The following CSMD1 variants were observed in gnomAD, a reference collection of about 807,000 sequenced individuals.
CSMD1 encodes CUB and sushi domain-containing protein 1.
CSMD1 carries 213 observed loss-of-function variants against 417.5 expected under a neutral mutation model. That is an observed-to-expected ratio of 0.51 (90% CI 0.46 to 0.57). CSMD1 has a LOEUF of 0.57. Among genes scored for constraint, CSMD1 ranks in the 20% least tolerant of loss-of-function variants. The probability of loss-of-function intolerance (pLI) is 0.00; values close to 1 mark genes in which losing one functional copy is unlikely to be tolerated. For missense variants in CSMD1, 6,923 were observed against 4,529.7 expected (o/e 1.53, Z -15.17); for synonymous variants, 2,862 against 1,736.8 (o/e 1.65, Z -16.11).
chr8:3,969,721 T>C (rs1373191739), intron 5 of CSMD1, among the ~76,000 whole-genome samples: 7 of 152,188 alleles, frequency 4.6e-5, no homozygotes, highest in Admixed American at 3.9e-4. Flanking sequence ...ATTTTGACAA[T>C]AAAATAACCA....
chr8:4,473,092 T>C (rs887140954), intron 2 of CSMD1, among the ~76,000 whole-genome samples: 1 of 152,148 alleles, frequency 6.6e-6, no homozygotes, highest in African/African-American at 2.4e-5. Flanking sequence ...TATGTAACAT[T>C]TTCTCTACTT....
At chr8:4,090,310 C>T (rs1800648845) in intron 3 of CSMD1, among the ~76,000 whole-genome samples, 1 of 152,142 alleles carries the variant, frequency 6.6e-6, no homozygotes, top group Admixed American at 6.5e-5. Flanking sequence ...TAGGTAATAT[C>T]GTTTATAAAG....
chr8:4,681,609 T>C (rs1330977503), intron 1 of CSMD1, among the ~76,000 whole-genome samples: 4 of 152,180 alleles, frequency 2.6e-5, no homozygotes, highest in African/African-American at 4.8e-5. Flanking sequence ...GCCTGGTAAA[T>C]ATTACTCTGT....
intron 49 of CSMD1, among the ~76,000 whole-genome samples, chr8:3,071,534 G>GTATGTC (rs1311167463): frequency 6.6e-6 from 1 of 152,078 alleles, no homozygotes; most frequent in Non-Finnish European, 1.5e-5. Flanking sequence ...ATGATAAAAT[G>GTATGTC]TATGTCTAAC....
At chr8:3,453,504 A>G (rs1234608692) in intron 12 of CSMD1, among the ~76,000 whole-genome samples, 2 of 152,082 alleles carry the variant, frequency 1.3e-5, no homozygotes, top group African/African-American at 2.4e-5. Context: ...AGATTCTGGT[A>G]TGTTGTGTCT....
chr8:4,921,439 T>C (rs1806492901), intron 1 of CSMD1, among the ~76,000 whole-genome samples: 1 of 152,238 alleles, frequency 6.6e-6, no homozygotes, highest in Non-Finnish European at 1.5e-5. Flanking sequence ...TTTAAGATCA[T>C]GTTAAAGATA....
intron 6 of CSMD1, among the ~76,000 whole-genome samples, chr8:3,716,187 T>C (rs1801822000): frequency 6.6e-6 from 1 of 152,230 alleles, no homozygotes; most frequent in African/African-American, 2.4e-5. Flanking sequence ...GGGTGTTGCC[T>C]ATGGCACTTT....
chr8:3,559,733 T>C (rs1406459097), intron 10 of CSMD1, among the ~76,000 whole-genome samples: 1 of 152,186 alleles, frequency 6.6e-6, no homozygotes, highest in Non-Finnish European at 1.5e-5. Context: ...TATACATATA[T>C]CTACATTTTT....
intron 5 of CSMD1, among the ~76,000 whole-genome samples, chr8:3,869,576 C>G (rs1805338176): frequency 6.6e-6 from 1 of 152,118 alleles, no homozygotes; most frequent in Non-Finnish European, 1.5e-5. Context: ...TAGATATAAA[C>G]CTATCTATCA....
At chr8:4,374,093 C>A (rs541224792) in intron 3 of CSMD1, among the ~76,000 whole-genome samples, 16 of 152,092 alleles carry the variant, frequency 1.1e-4, no homozygotes, top group African/African-American at 3.6e-4. Context: ...CATATGTGAC[C>A]GAAGCATGGT....
intron 47 of CSMD1, among the ~76,000 whole-genome samples, chr8:3,095,414 A>T (rs184146083): frequency 1.3e-5 from 2 of 152,158 alleles, no homozygotes; most frequent in Non-Finnish European, 2.9e-5. Context: ...CTAAAGAAAA[A>T]GTTGTAAATA....
At chr8:3,725,777 C>T (rs1209550707) in intron 6 of CSMD1, among the ~76,000 whole-genome samples, 4 of 152,084 alleles carry the variant, frequency 2.6e-5, no homozygotes, top group Non-Finnish European at 5.9e-5. Flanking sequence ...CTTGGGAACA[C>T]GTGAAAACCA....
chr8:3,181,200 C>T lies in CSMD1; in HGVS notation c.5635G>A (p.Ala1879Thr). The T allele has an allele frequency of 6.2e-7, 1 of 1,612,918 alleles. No individual in the cohort carries two copies. Among genetic ancestry groups the T allele is most frequent in the Non-Finnish European group, 8.5e-7 (1 of 1,179,066 alleles). Residue 1879 changes from alanine (A) to threonine (T), a missense_variant, in exon 37 of 70, where the codon GCA (alanine) becomes ACA (threonine). Physicochemically the swap from Ala to Thr is moderately conservative, Grantham distance 58 (BLOSUM62 0). Coordinates refer to ENST00000635120, the MANE Select transcript of CSMD1 (RefSeq NM_033225.6). Reference sequence around the variant, plus strand: ...TGGTTGGAAGTACTGTTCAGCAGTGCCGGTACTGTGGTGCCTGTAAGAAAC... The same window carrying T: ...TGGTTGGAAGTACTGTTCAGCAGTGTCGGTACTGTGGTGCCTGTAAGAAAC... ...LGSFSGTTVP[A>T]LLNSTSNQLY...
chr8:4,326,979 G>C (rs966849299), intron 3 of CSMD1, among the ~76,000 whole-genome samples: 6 of 152,116 alleles, frequency 3.9e-5, no homozygotes, highest in African/African-American at 1.4e-4. Flanking sequence ...GGTTAATGAA[G>C]GAACCTGAGA....
At chr8:3,683,632 C>T (rs377478228) in intron 7 of CSMD1, among the ~76,000 whole-genome samples, 3 of 152,162 alleles carry the variant, frequency 2.0e-5, no homozygotes, top group African/African-American at 7.2e-5. Flanking sequence ...AAAACATGTG[C>T]ATACTCTTTT....
intron 1 of CSMD1, among the ~76,000 whole-genome samples, chr8:4,918,645 T>G (rs1806229587): frequency 6.6e-6 from 1 of 152,246 alleles, no homozygotes; most frequent in African/African-American, 2.4e-5. Flanking sequence ...GATAAATCTT[T>G]TCTTTCTTGA....
chr8:3,952,178 C>T (rs917676169), intron 5 of CSMD1, among the ~76,000 whole-genome samples: 10 of 152,158 alleles, frequency 6.6e-5, no homozygotes, highest in African/African-American at 1.4e-4. Flanking sequence ...AGAGCAGAAA[C>T]TGTTCATGGT....
intron 1 of CSMD1, among the ~76,000 whole-genome samples, chr8:4,834,997 G>C (rs1380160735): frequency 1.0e-5 from 1 of 98,678 alleles, no homozygotes; most frequent in African/African-American, 3.4e-5. Flanking sequence ...AAGAAAGAAA[G>C]AAAGAAAGAA....
intron 3 of CSMD1, among the ~76,000 whole-genome samples, chr8:4,224,144 G>A (rs1249590044): frequency 1.3e-5 from 2 of 152,036 alleles, no homozygotes; most frequent in African/African-American, 4.8e-5. Context: ...ACTTAACTTT[G>A]TTTCGCTTAC....
Sources: allele counts gnomAD v4.1 joint callset (sites outside exome capture counted in the v4.1 genomes callset), GRCh38; gene constraint gnomAD v4.1.1; transcripts MANE v1.5; gene names NCBI Gene and HGNC (gene_info 2026-07-23, HGNC 2026-07-21).